Variants in LHFPL3 observed in about 807,000 individuals in gnomAD.
The protein encoded by LHFPL3 is LHFPL tetraspan subfamily member 3 protein.
A neutral mutation model predicts 19.3 loss-of-function variants in LHFPL3; 5 were observed. The observed-to-expected ratio is 0.26, with a 90% CI of 0.14 to 0.54. The LOEUF (loss-of-function observed/expected upper bound fraction) is 0.54, where lower values mean the gene tolerates loss of function less well. Among genes scored for constraint, LHFPL3 ranks in the 20% least tolerant of loss-of-function variants. LHFPL3 has a pLI of 0.94. For missense variants in LHFPL3, 249 were observed against 307.4 expected, an observed-to-expected ratio of 0.81 and a Z score of 1.42; for synonymous variants, 133 against 126.2, an observed-to-expected ratio of 1.05 and a Z score of -0.36.
At position 104,756,470 on chromosome 7, in the gene LHFPL3, A is replaced by G. The variant is rs147412937; in HGVS notation, c.682+19559A>G. Among the ~76,000 whole-genome samples the G allele has an allele frequency of 4.8e-3, 726 of 152,222 alleles. 4 individuals carry two copies. The highest frequency in any genetic ancestry group is 0.016 in the African/African-American group (667 of 41,558). ...CTTAAACAATCTGAAATGTGTATCT[A>G]TATTACATTTTAAGCACGACAATTT... On this transcript the variant is annotated intron_variant, in intron 2 of 2. Transcript: ENST00000424859.
At chr7:104,360,979 C>T (rs971911773) in intron 1 of LHFPL3, among the ~76,000 whole-genome samples, 1 of 151,916 alleles carries the variant, frequency 6.6e-6, no homozygotes, top group Non-Finnish European at 1.5e-5. Context: ...TTTTTAATGG[C>T]CAAAAAATCA....
chr7:104,832,138 G>A (rs1156725876), intron 2 of LHFPL3, among the ~76,000 whole-genome samples: 1 of 151,926 alleles, frequency 6.6e-6, no homozygotes, highest in African/African-American at 2.4e-5. Flanking sequence ...TTCTTTTTCA[G>A]TTTCATTAAA....
chr7:104,828,070 G>A (rs952457732), intron 2 of LHFPL3, among the ~76,000 whole-genome samples: 1 of 151,938 alleles, frequency 6.6e-6, no homozygotes, highest in East Asian at 1.9e-4. Flanking sequence ...ATAACAATGA[G>A]CCAGATATGG....
chr7:104,449,158 G>T (rs977800930), intron 1 of LHFPL3, among the ~76,000 whole-genome samples: 3 of 152,174 alleles, frequency 2.0e-5, no homozygotes, highest in Non-Finnish European at 4.4e-5. Flanking sequence ...CAGTGGTGAG[G>T]AATCTGTGCC....
chr7:104,405,406 T>C (rs1030908711), intron 1 of LHFPL3, among the ~76,000 whole-genome samples: 4 of 152,252 alleles, frequency 2.6e-5, no homozygotes, highest in Non-Finnish European at 5.9e-5. Flanking sequence ...ATTTAATTTA[T>C]CAGATGGCTG....
At chr7:104,670,695 A>G (rs1299556456) in intron 1 of LHFPL3, among the ~76,000 whole-genome samples, 3 of 152,132 alleles carry the variant, frequency 2.0e-5, no homozygotes, top group Non-Finnish European at 4.4e-5. Context: ...AGAGTGCTCT[A>G]GAATAATGGA....
chr7:104,883,563 A>G (rs1054358236), intron 2 of LHFPL3, among the ~76,000 whole-genome samples: 14 of 152,086 alleles, frequency 9.2e-5, no homozygotes, highest in African/African-American at 3.1e-4. Flanking sequence ...CTGAGCCTAT[A>G]TGGTTGGAGG....
chr7:104,444,945 G>A lies in LHFPL3; in HGVS notation c.445+115721G>A, dbSNP rs186905806. On this transcript the variant is annotated intron_variant, in intron 1 of 2. Transcript: ENST00000424859. ...GGAGGTTGCGGTGAGTTGAAATCGC[G>A]CCATTGCATTCCAGCCTGGGCAACA... Among the ~76,000 whole-genome samples, 277 of 151,610 alleles carry A rather than the reference G, an allele frequency of 1.8e-3. 1 individual carries two copies. Among genetic ancestry groups the A allele is most frequent in the African/African-American group, 6.2e-3 (258 of 41,294 alleles).
At chr7:104,396,259 G>A (rs142141998) in intron 1 of LHFPL3, among the ~76,000 whole-genome samples, 1 of 152,146 alleles carries the variant, frequency 6.6e-6, no homozygotes, top group Admixed American at 6.6e-5. Context: ...GGACCATAAT[G>A]TACAAATGGT....
At chr7:104,449,000 G>T (rs182622448) in intron 1 of LHFPL3, among the ~76,000 whole-genome samples, 1 of 152,298 alleles carries the variant, frequency 6.6e-6, no homozygotes, top group Non-Finnish European at 1.5e-5. Flanking sequence ...GTGCCTTTCA[G>T]ATTAAAATTA....
At chr7:104,457,497 C>T (rs1258098490) in intron 1 of LHFPL3, among the ~76,000 whole-genome samples, 1 of 151,896 alleles carries the variant, frequency 6.6e-6, no homozygotes, top group Non-Finnish European at 1.5e-5. Context: ...GCCACATTTT[C>T]TTAATCCAGT....
At chr7:104,720,973 A>G (rs962621291) in intron 1 of LHFPL3, among the ~76,000 whole-genome samples, 17 of 152,240 alleles carry the variant, frequency 1.1e-4, no homozygotes, top group Admixed American at 2.6e-4. Flanking sequence ...TGAGGAAGAC[A>G]GTGTGACGAT....
chr7:104,814,335 A>T (rs945357573), intron 2 of LHFPL3, among the ~76,000 whole-genome samples: 1 of 151,500 alleles, frequency 6.6e-6, no homozygotes, highest in Non-Finnish European at 1.5e-5. Flanking sequence ...TCTCCCTATC[A>T]TCTCTCCATC....
intron 2 of LHFPL3, among the ~76,000 whole-genome samples, chr7:104,905,545 A>C (rs1353543041): frequency 1.3e-5 from 2 of 152,096 alleles, no homozygotes; most frequent in African/African-American, 2.4e-5. Flanking sequence ...AACATGGTGA[A>C]ACCCTGTCTC....
At chr7:104,699,647 T>C (rs777310504) in intron 1 of LHFPL3, among the ~76,000 whole-genome samples, 15 of 152,184 alleles carry the variant, frequency 9.9e-5, no homozygotes, top group Non-Finnish European at 2.2e-4. Context: ...ACACTGTGAA[T>C]GTACTTAATG....
chr7:104,556,687 T>G (rs1789842767), intron 1 of LHFPL3, among the ~76,000 whole-genome samples: 1 of 152,254 alleles, frequency 6.6e-6, no homozygotes. Context: ...GGTTCCTGAT[T>G]ACTTACACAA....
At position 104,329,582 on chromosome 7, in the gene LHFPL3, A is replaced by G. The variant is rs141613639; in HGVS notation, c.445+358A>G. 5.2e-3 allele frequency among the ~76,000 whole-genome samples: 794 copies of G among 152,280 alleles called. 11 individuals carry two copies. Among genetic ancestry groups the G allele is most frequent in the African/African-American group, 0.018 (754 of 41,572 alleles). On this transcript the variant is annotated intron_variant, in intron 1 of 2. Coordinates refer to ENST00000424859, the MANE Select transcript of LHFPL3 (RefSeq NM_199000.3). ...TGGGGCCGGGGTTCCGTGCTGAGGG[A>G]CTAAGGAGGGACTGACAGGGCGAAG...
chr7:104,591,107 A>G (rs936987280), intron 1 of LHFPL3, among the ~76,000 whole-genome samples: 2 of 152,124 alleles, frequency 1.3e-5, no homozygotes, highest in Non-Finnish European at 2.9e-5. Context: ...TATTTAACCC[A>G]TTTACATTTA....
At chr7:104,558,771 T>C (rs1258170366) in intron 1 of LHFPL3, among the ~76,000 whole-genome samples, 1 of 147,906 alleles carries the variant, frequency 6.8e-6, no homozygotes, top group Non-Finnish European at 1.5e-5. Context: ...ATGTCCTGAA[T>C]GGTATTGCCT....
Sources: allele counts gnomAD v4.1 joint callset (sites outside exome capture counted in the v4.1 genomes callset), GRCh38; gene constraint gnomAD v4.1.1; transcripts MANE v1.5; gene names NCBI Gene and HGNC (gene_info 2026-07-23, HGNC 2026-07-21).